Variants in MILR1 observed in about 807,000 individuals in gnomAD.
The protein encoded by MILR1 is mast cell immunoglobulin like receptor 1, also known as allergin-1.
MILR1 carries 31 observed loss-of-function variants against 18.5 expected under a neutral mutation model. The observed-to-expected ratio is 1.68, with a 90% confidence interval of 1.26 to 2.26. MILR1 has a LOEUF of 2.26. Among genes scored for constraint, MILR1 ranks in the 30% most tolerant of loss-of-function variants. The pLI, the probability that MILR1 is intolerant of heterozygous loss-of-function variation, is 0.00. For missense variants in MILR1, 257 were observed against 157.4 expected (o/e 1.63, Z -3.38); for synonymous variants, 85 against 56.2 (o/e 1.51, Z -2.30).
the MILR1 span, among the ~76,000 whole-genome samples, chr17:64,493,902 T>G: frequency 6.6e-6 from 1 of 152,196 alleles, no homozygotes; most frequent in Non-Finnish European, 1.5e-5. Context: ...ATTTTTTTCT[T>G]GTTCACTCCC....
the MILR1 span, chr17:64,496,387 C>T: frequency 6.6e-7 from 1 of 1,517,232 alleles, no homozygotes; most frequent in Non-Finnish European, 9.0e-7. Context: ...TGTTTTGAAG[C>T]ATGAAATCGT....
intron 4 of MILR1, among the ~76,000 whole-genome samples, chr17:64,458,881 C>G (rs58697180): frequency 2.1e-3 from 325 of 152,236 alleles, no homozygotes; most frequent in African/African-American, 7.4e-3. Flanking sequence ...TATGAGCATC[C>G]CTGAACCTGA....
the MILR1 span, chr17:64,480,314 A>C: frequency 7.0e-6 from 11 of 1,579,672 alleles, no homozygotes; most frequent in Admixed American, 1.7e-4. Context: ...TCCAATGAGG[A>C]CTGCATAGTT....
the MILR1 span, among the ~76,000 whole-genome samples, chr17:64,495,153 G>A: frequency 7.2e-6 from 1 of 138,598 alleles, no homozygotes; most frequent in Non-Finnish European, 1.5e-5. Context: ...ACTCCAGCCT[G>A]GGCGGCAGAG....
chr17:64,463,885 A>G (rs1322723777), intron 5 of MILR1, among the ~76,000 whole-genome samples: 5 of 140,026 alleles, frequency 3.6e-5, no homozygotes, highest in South Asian at 2.2e-4. Context: ...GTGCAGTGGC[A>G]CAATCTCCGC....
intron 4 of MILR1, among the ~76,000 whole-genome samples, chr17:64,459,365 C>T (rs8064305): frequency 0.024 from 3,661 of 151,934 alleles, 59 homozygotes; most frequent in Non-Finnish European, 0.04. Flanking sequence ...CCTGAGAGGT[C>T]GAGGCTGCAG....
At chr17:64,465,568 G>A (rs782743111) in intron 6 of MILR1, 27 bp downstream of exon 6, 2 of 1,578,592 alleles carry the variant, frequency 1.3e-6, no homozygotes, top group African/African-American at 2.7e-5. Flanking sequence ...GCGTGTTTTG[G>A]GTGGTTTCAG....
chr17:64,496,953 C>T, the MILR1 span: 3 of 1,606,890 alleles, frequency 1.9e-6, no homozygotes, highest in South Asian at 3.3e-5. Context: ...GCCCTGACGG[C>T]TACACGAGAG....
chr17:64,465,367 T>C (rs2037530227), intron 5 of MILR1, 85 bp from the exon 6 acceptor site: 2 of 950,394 alleles, frequency 2.1e-6, no homozygotes, highest in African/African-American at 1.6e-5. Context: ...TTCAGAACTT[T>C]GAGGGAATTC....
At chr17:64,464,917 C>A (rs902479701) in intron 5 of MILR1, among the ~76,000 whole-genome samples, 2 of 151,180 alleles carry the variant, frequency 1.3e-5, no homozygotes, top group African/African-American at 4.9e-5. Context: ...GAGCAAGACT[C>A]CGTCTCAAAA....
At chr17:64,475,565 C>T in the MILR1 span, among the ~76,000 whole-genome samples, 1 of 150,854 alleles carries the variant, frequency 6.6e-6, no homozygotes, top group Non-Finnish European at 1.5e-5. Context: ...AGGAGAATCA[C>T]TTGAACCTCG....
At chr17:64,467,334 C>T (rs2037596155) in intron 8 of MILR1, among the ~76,000 whole-genome samples, 1 of 150,626 alleles carries the variant, frequency 6.6e-6, no homozygotes, top group Non-Finnish European at 1.5e-5. Context: ...TGGTCTTGAA[C>T]TCCTGGGCTC....
At chr17:64,468,696 T>C, downstream of MILR1, 1 of 1,000,264 alleles carries the variant, frequency 1.0e-6, no homozygotes, top group Non-Finnish European at 1.2e-6. Flanking sequence ...CTGTCTGGCA[T>C]CTCCATGATC....
At chr17:64,496,807 G>C in the MILR1 span, 1 of 1,613,690 alleles carries the variant, frequency 6.2e-7, no homozygotes, top group Middle Eastern at 1.6e-4. Flanking sequence ...CTGGGTGCTC[G>C]CCGTTCCCCT....
chr17:64,462,439 G>A (rs1046217592), intron 5 of MILR1, among the ~76,000 whole-genome samples: 1 of 152,166 alleles, frequency 6.6e-6, no homozygotes, highest in Admixed American at 6.6e-5. Flanking sequence ...TGCCTCAAGC[G>A]AGAGCTTTGC....
intron 8 of MILR1, 111 bp from the exon 9 acceptor site, chr17:64,467,454 T>C (rs1006257026): frequency 6.1e-6 from 4 of 653,996 alleles, no homozygotes; most frequent in Non-Finnish European, 1.1e-5. Context: ...CAGGAAAAAA[T>C]TAGTTAATAC....
At chr17:64,459,889 C>T (rs1427156427) in intron 4 of MILR1, among the ~76,000 whole-genome samples, 1 of 152,146 alleles carries the variant, frequency 6.6e-6, no homozygotes, top group African/African-American at 2.4e-5. Flanking sequence ...TGCTGGTATT[C>T]GTCCTGTTAA....
the MILR1 span, among the ~76,000 whole-genome samples, chr17:64,483,721 CT>C: frequency 5.9e-3 from 809 of 137,056 alleles, 3 homozygotes; most frequent in Non-Finnish European, 5.0e-3. Context: ...ATGAAATTTG[CT>C]TTTTTTTTTT....
the MILR1 span, chr17:64,491,081 G>T: frequency 1.2e-6 from 1 of 843,726 alleles, no homozygotes; most frequent in Non-Finnish European, 2.0e-6. Context: ...CAGCAAATGT[G>T]CGAAACTAGT....
Sources: gnomAD v4.1 joint callset for allele counts (sites outside exome capture counted in the v4.1 genomes callset) on GRCh38, gnomAD v4.1.1 for gene constraint, MANE v1.5 for transcripts, NCBI Gene and HGNC (gene_info 2026-07-23, HGNC 2026-07-21) for gene names.